The following PPP2R2B variants were observed in gnomAD, a reference collection of about 807,000 sequenced individuals.
PPP2R2B encodes protein phosphatase 2 regulatory subunit Bbeta, also known as serine/threonine-protein phosphatase 2A 55 kDa regulatory subunit B beta isoform.
A neutral mutation model predicts 46.0 loss-of-function variants in PPP2R2B; 5 were observed. The observed-to-expected ratio is 0.11, with a 90% CI of 0.06 to 0.23. The LOEUF is 0.23. PPP2R2B is among the 10% of genes least tolerant of loss of function. PPP2R2B has a pLI of 1.00. For missense variants in PPP2R2B, 367 were observed against 575.0 expected (o/e 0.64, Z 3.70); for synonymous variants, 215 against 206.7 (o/e 1.04, Z -0.34).
At chr5:146,616,013 C>T (rs1322913876) in intron 7 of PPP2R2B, among the ~76,000 whole-genome samples, 1 of 152,176 alleles carries the variant, frequency 6.6e-6, no homozygotes, top group African/African-American at 2.4e-5. Flanking sequence ...GTAACCAAAA[C>T]AGCATGGTAC....
Position 146,807,863 on chromosome 5 carries a change from G to C in PPP2R2B, c.70+70139C>G, listed in dbSNP as rs377338411. ...TGCCCAGGCTGGAGTGCAATGGCAC[G>C]ATCTCAGCTCACTGCAACCTCCGCC... is the stretch of plus-strand genomic sequence containing the variant. On this transcript the variant is annotated intron_variant, in intron 2 of 9. Coordinates refer to ENST00000394411, the MANE Select transcript of PPP2R2B (RefSeq NM_181675.4). Among the ~76,000 whole-genome samples the C allele has an allele frequency of 7.7e-3, 1,009 of 130,394 alleles. 19 individuals carry two copies. Among genetic ancestry groups the C allele is most frequent in the African/African-American group, 0.027 (955 of 34,994 alleles). The allele number at this position is 130,394 out of a possible 152,430, so 85.5% of individuals were successfully genotyped here. A position where few individuals can be genotyped will look rare whatever the true frequency, so the allele number is the denominator to read the frequency against.
At position 146,589,464 on chromosome 5, in the gene PPP2R2B, A is replaced by AGAT. The variant is rs1412957643; in HGVS notation, c.*480_*482dup. 1 of 154,672 alleles carries AGAT rather than the reference A, an allele frequency of 6.5e-6. No homozygotes were observed. The highest frequency in any genetic ancestry group is 2.4e-5 in the African/African-American group (1 of 41,470). The allele number at this position is 154,672 out of a possible 1,614,324, so 9.6% of individuals were successfully genotyped here. A position where few individuals can be genotyped will look rare whatever the true frequency, so the allele number is the denominator to read the frequency against. On this transcript the variant is annotated 3_prime_UTR_variant, in exon 10 of 10. Transcript: ENST00000394411. ...GAAAAAAAAATGGTGGAGGGGCAGG[A>AGAT]GATACTGACTAGTTCTGGTTTTTCA...
At chr5:146,832,379 C>CTTTTTTTTTTTTTTTTTTTTTTTTTTT (rs34269274) in intron 2 of PPP2R2B, among the ~76,000 whole-genome samples, 1 of 70,190 alleles carries the variant, frequency 1.4e-5, no homozygotes, top group Non-Finnish European at 2.7e-5. Flanking sequence ...CATTTTTAAT[C>CTTTTTTTTTTTTTTTTTTTTTTTTTTT]TTTTTTTTTT....
intron 1 of PPP2R2B, among the ~76,000 whole-genome samples, chr5:146,945,335 G>A (rs1157498643): frequency 6.6e-6 from 1 of 152,176 alleles, no homozygotes; most frequent in African/African-American, 2.4e-5. Context: ...CAGAAATGAG[G>A]AAAGCAACCT....
intron 8 of PPP2R2B, among the ~76,000 whole-genome samples, chr5:146,597,461 C>T (rs962606864): frequency 1.8e-4 from 28 of 152,268 alleles, no homozygotes; most frequent in Non-Finnish European, 2.9e-4. Flanking sequence ...AGCAGTACAT[C>T]GTTACAATCA....
intron 2 of PPP2R2B, among the ~76,000 whole-genome samples, chr5:146,730,092 G>A (rs764195434): frequency 8.5e-5 from 13 of 152,178 alleles, no homozygotes; most frequent in Non-Finnish European, 1.6e-4. Context: ...AAGCCACAGG[G>A]GCAGAGCTGC....
chr5:146,979,830 G>T (rs2151854124), intron 1 of PPP2R2B, among the ~76,000 whole-genome samples: 1 of 152,250 alleles, frequency 6.6e-6, no homozygotes, highest in Admixed American at 6.5e-5. Context: ...ATGTGAATGT[G>T]ATCTCTGTCT....
intron 7 of PPP2R2B, among the ~76,000 whole-genome samples, chr5:146,621,999 C>T (rs1319574175): frequency 6.6e-6 from 1 of 152,122 alleles, no homozygotes; most frequent in Non-Finnish European, 1.5e-5. Context: ...AACACAGACC[C>T]CAAGGCCTGG....
intron 1 of PPP2R2B, among the ~76,000 whole-genome samples, chr5:146,950,136 A>G (rs572076644): frequency 2.6e-5 from 4 of 152,226 alleles, no homozygotes; most frequent in African/African-American, 9.6e-5. Context: ...TTTGTAACGC[A>G]AAGAAATGAT....
chr5:146,891,461 C>A (rs1762489014), intron 1 of PPP2R2B, among the ~76,000 whole-genome samples: 1 of 152,122 alleles, frequency 6.6e-6, no homozygotes, highest in South Asian at 2.1e-4. Flanking sequence ...GTAGTCTTCA[C>A]CCTTGAATTA....
At chr5:146,690,991 A>T in intron 5 of PPP2R2B, 137 bp downstream of exon 5, 1 of 645,896 alleles carries the variant, frequency 1.5e-6, no homozygotes, top group Non-Finnish European at 2.6e-6. Context: ...CCAGAGAGAG[A>T]CTGGGGTAGG....
intron 1 of PPP2R2B, among the ~76,000 whole-genome samples, chr5:147,010,059 C>T (rs185523395): frequency 1.3e-5 from 2 of 152,276 alleles, no homozygotes; most frequent in Admixed American, 1.3e-4. Flanking sequence ...CATAAATACA[C>T]ACTTTACAAG....
At chr5:146,672,206 G>C (rs1777417283) in intron 5 of PPP2R2B, among the ~76,000 whole-genome samples, 1 of 152,174 alleles carries the variant, frequency 6.6e-6, no homozygotes, top group Non-Finnish European at 1.5e-5. Context: ...AAATTTCCCA[G>C]GGGAAGAAGA....
intron 2 of PPP2R2B, among the ~76,000 whole-genome samples, chr5:146,773,659 T>C (rs1272348144): frequency 6.6e-6 from 1 of 152,222 alleles, no homozygotes; most frequent in Non-Finnish European, 1.5e-5. Context: ...CCACCTTCCC[T>C]TTCAGCTTGC....
At chr5:146,618,679 CT>C (rs1207716230) in intron 7 of PPP2R2B, among the ~76,000 whole-genome samples, 1 of 152,174 alleles carries the variant, frequency 6.6e-6, no homozygotes, top group Non-Finnish European at 1.5e-5. Flanking sequence ...GAGCGGGCTG[CT>C]TCTGGGCAGA....
intron 1 of PPP2R2B, chr5:147,055,566 C>A (rs1241930606): frequency 5.8e-6 from 6 of 1,039,408 alleles, no homozygotes; most frequent in Non-Finnish European, 7.4e-6. Context: ...TGACAGTCAC[C>A]TAGTAGCTAC....
chr5:146,635,425 T>C (rs1774751166), intron 7 of PPP2R2B, among the ~76,000 whole-genome samples: 1 of 152,216 alleles, frequency 6.6e-6, no homozygotes, highest in South Asian at 2.1e-4. Context: ...TTTTGAAAGC[T>C]TCTAAGGCCT....
upstream of PPP2R2B, among the ~76,000 whole-genome samples, chr5:146,880,134 T>C (rs1180937222): frequency 2.6e-5 from 4 of 152,068 alleles, no homozygotes; most frequent in Non-Finnish European, 1.5e-5. Context: ...ATTGACTGCA[T>C]ATCCCTGGGA....
At chr5:146,967,277 TC>T (rs932938502) in intron 1 of PPP2R2B, among the ~76,000 whole-genome samples, 24 of 152,332 alleles carry the variant, frequency 1.6e-4, no homozygotes, top group African/African-American at 4.8e-4. Context: ...TATTGGTTTT[TC>T]TTGTAGCCAG....
Sources: allele counts gnomAD v4.1 joint callset (sites outside exome capture counted in the v4.1 genomes callset), GRCh38; gene constraint gnomAD v4.1.1; transcripts MANE v1.5; gene names NCBI Gene and HGNC (gene_info 2026-07-23, HGNC 2026-07-21).